The following CSMD1 variants were observed in gnomAD, a reference collection of about 807,000 sequenced individuals.
CSMD1 encodes the protein CUB and Sushi multiple domains 1.
Under a neutral mutation model 417.5 loss-of-function variants are expected in CSMD1, and 213 were observed. The ratio of observed to expected loss-of-function variants is 0.51; its 90% CI spans 0.46 to 0.57. The LOEUF (loss-of-function observed/expected upper bound fraction) is 0.57, where lower values mean the gene tolerates loss of function less well. Ranked by LOEUF, CSMD1 falls within the 20% of genes least tolerant of loss-of-function variation. The probability of loss-of-function intolerance (pLI) is 0.00; values close to 1 mark genes in which losing one functional copy is unlikely to be tolerated. For missense variants in CSMD1, 6,923 were observed against 4,529.7 expected, an observed-to-expected ratio of 1.53 and a Z score of -15.17; for synonymous variants, 2,862 against 1,736.8, an observed-to-expected ratio of 1.65 and a Z score of -16.11.
chr8:4,711,118 A>C (rs1223476171), intron 1 of CSMD1, among the ~76,000 whole-genome samples: 1 of 151,926 alleles, frequency 6.6e-6, no homozygotes, highest in Non-Finnish European at 1.5e-5. Flanking sequence ...ATTATAAGAG[A>C]AGTTTGGTAA....
intron 1 of CSMD1, among the ~76,000 whole-genome samples, chr8:4,922,856 G>A (rs956335015): frequency 3.3e-5 from 5 of 152,174 alleles, no homozygotes; most frequent in Admixed American, 3.3e-4. Flanking sequence ...TTTTCCTAGT[G>A]CTAAAGTTTT....
intron 10 of CSMD1, among the ~76,000 whole-genome samples, chr8:3,553,509 C>T (rs1307753570): frequency 1.3e-5 from 2 of 152,170 alleles, no homozygotes; most frequent in Non-Finnish European, 2.9e-5. Context: ...GTCAAATCAA[C>T]CATACTGTAG....
At chr8:4,075,961 A>T (rs558752365) in intron 3 of CSMD1, among the ~76,000 whole-genome samples, 2 of 152,284 alleles carry the variant, frequency 1.3e-5, no homozygotes, top group Non-Finnish European at 2.9e-5. Flanking sequence ...TTTCCCTCTA[A>T]GTTTTAAAAC....
chr8:3,418,861 C>A (rs1813316620), intron 12 of CSMD1, among the ~76,000 whole-genome samples: 2 of 152,080 alleles, frequency 1.3e-5, no homozygotes, highest in South Asian at 4.1e-4. Context: ...TTATAGATTT[C>A]TTTTAAAGAC....
intron 18 of CSMD1, among the ~76,000 whole-genome samples, chr8:3,383,082 CACT>C (rs1319769637): frequency 4.0e-4 from 52 of 131,624 alleles, no homozygotes; most frequent in African/African-American, 1.4e-3. Flanking sequence ...TGGATCTGGA[CACT>C]ACATCGTTCC....
At chr8:4,583,025 G>A (rs1317933096) in intron 2 of CSMD1, among the ~76,000 whole-genome samples, 1 of 152,200 alleles carries the variant, frequency 6.6e-6, no homozygotes, top group Non-Finnish European at 1.5e-5. Context: ...GCCCACCGGC[G>A]CTGTGCTCGA....
rs1296648265 is a variant in CSMD1 at position 3,199,618 on chromosome 8, G to C, written c.5194+96C>G. On this transcript the variant is annotated intron_variant, in intron 33 of 69. Transcript: ENST00000635120. ...GCTCCTTAAATATTACAAAAATGCA[G>C]CTGAGATGTTTTGAGTGCTTTGTCT... 33 of 561,298 alleles carry C rather than the reference G, an allele frequency of 5.9e-5. 1 individual carries two copies. The East Asian group carries it at 1.0e-3, about 17-fold the overall frequency. The allele number at this position is 561,298 out of a possible 1,614,324, so 34.8% of individuals were successfully genotyped here.
intron 2 of CSMD1, among the ~76,000 whole-genome samples, chr8:4,431,312 T>A (rs968949893): frequency 1.3e-5 from 2 of 152,208 alleles, no homozygotes; most frequent in African/African-American, 4.8e-5. Context: ...GTATTTTTAC[T>A]TCGTGATTTT....
At position 4,148,208 on chromosome 8, in the gene CSMD1, A is replaced by C. The variant is rs186046187; in HGVS notation, c.416-116109T>G. On this transcript the variant is annotated intron_variant, in intron 3 of 69. Coordinates refer to ENST00000635120, the MANE Select transcript of CSMD1 (RefSeq NM_033225.6). Reference sequence around the variant, plus strand: ...CCACTATAACTAACTGTAAGTTATAAGTTGCTATAGACTGGGCAACTTTAA... The same window carrying C: ...CCACTATAACTAACTGTAAGTTATACGTTGCTATAGACTGGGCAACTTTAA... Among the ~76,000 whole-genome samples the C allele has an allele frequency of 2.8e-4, 42 of 151,986 alleles. No homozygotes were observed. The East Asian group carries it at 8.2e-3, about 30-fold the overall frequency.
intron 5 of CSMD1, among the ~76,000 whole-genome samples, chr8:3,910,189 A>G (rs569992029): frequency 6.6e-6 from 1 of 152,274 alleles, no homozygotes; most frequent in South Asian, 2.1e-4. Context: ...AAGGAATTTT[A>G]TAATGCACGG....
At chr8:3,349,628 T>G (rs1167419229) in intron 21 of CSMD1, among the ~76,000 whole-genome samples, 1 of 151,460 alleles carries the variant, frequency 6.6e-6, no homozygotes, top group Non-Finnish European at 1.5e-5. Context: ...TTACAGTAAT[T>G]ATATAACTAT....
chr8:3,467,126 A>G (rs1816831930), intron 12 of CSMD1, among the ~76,000 whole-genome samples: 1 of 152,192 alleles, frequency 6.6e-6, no homozygotes. Flanking sequence ...ATTATAATTA[A>G]TGTGGTGTGG....
intron 3 of CSMD1, among the ~76,000 whole-genome samples, chr8:4,301,771 T>C (rs904277125): frequency 6.6e-6 from 1 of 152,236 alleles, no homozygotes; most frequent in Middle Eastern, 3.2e-3. Flanking sequence ...TTAAACCTAG[T>C]TATCTAATTG....
At chr8:3,763,714 A>G (rs965017504) in intron 5 of CSMD1, among the ~76,000 whole-genome samples, 2 of 152,180 alleles carry the variant, frequency 1.3e-5, no homozygotes, top group African/African-American at 2.4e-5. Flanking sequence ...TAGTTGGATA[A>G]ACCCTGTACC....
intron 1 of CSMD1, among the ~76,000 whole-genome samples, chr8:4,880,777 C>G (rs114184844): frequency 0.019 from 2,862 of 152,166 alleles, 116 homozygotes; most frequent in African/African-American, 0.065. Context: ...ATACTCATTT[C>G]TTTGTGCATT....
chr8:3,912,511 T>C (rs1044225199), intron 5 of CSMD1, among the ~76,000 whole-genome samples: 1 of 152,028 alleles, frequency 6.6e-6, no homozygotes, highest in Non-Finnish European at 1.5e-5. Flanking sequence ...TTGCATACAA[T>C]GGAAATACAT....
chr8:3,528,337 T>C (rs1320927298), intron 10 of CSMD1, among the ~76,000 whole-genome samples: 2 of 152,192 alleles, frequency 1.3e-5, no homozygotes, highest in Admixed American at 6.5e-5. Flanking sequence ...TCTCTATTTA[T>C]ACCAAAGGAA....
At chr8:4,624,567 G>A (rs1354677560) in intron 2 of CSMD1, among the ~76,000 whole-genome samples, 3 of 152,160 alleles carry the variant, frequency 2.0e-5, no homozygotes, top group African/African-American at 7.2e-5. Flanking sequence ...ACATATTGAA[G>A]ATTCTTTGCT....
At chr8:3,940,187 G>A (rs1810780942) in intron 5 of CSMD1, among the ~76,000 whole-genome samples, 1 of 151,900 alleles carries the variant, frequency 6.6e-6, no homozygotes, top group Non-Finnish European at 1.5e-5. Context: ...AAGATCTCAT[G>A]CTTATTATTT....
Sources: allele counts gnomAD v4.1 joint callset (sites outside exome capture counted in the v4.1 genomes callset), GRCh38; gene constraint gnomAD v4.1.1; transcripts MANE v1.5; gene names NCBI Gene and HGNC (gene_info 2026-07-23, HGNC 2026-07-21).